BMF: variants seen among roughly 807,000 people sequenced by gnomAD.
The protein encoded by BMF is bcl-2-modifying factor.
A neutral mutation model predicts 22.0 loss-of-function variants in BMF; 10 were observed. The ratio of observed to expected loss-of-function variants is 0.45; its 90% confidence interval spans 0.28 to 0.77. The LOEUF (loss-of-function observed/expected upper bound fraction) is 0.77, where lower values mean the gene tolerates loss of function less well. Ranked by LOEUF, BMF falls within the 30% of genes least tolerant of loss-of-function variation. The pLI, the probability that BMF is intolerant of heterozygous loss-of-function variation, is 0.13. For synonymous variants in BMF, 87 were observed against 88.1 expected, an observed-to-expected ratio of 0.99 and a Z score of 0.07; for missense variants, 206 against 226.8, an observed-to-expected ratio of 0.91 and a Z score of 0.59.
At position 40,089,580 on chromosome 15, in the gene BMF, G is replaced by C. The variant is rs1050462848; in HGVS notation, c.*2207C>G. On this transcript the variant is annotated 3_prime_UTR_variant, in exon 5 of 5. Coordinates refer to ENST00000354670, the MANE Select transcript of BMF (RefSeq NM_001003940.2). ...TCTCAGGCCACAGGGCACCCAGCCT[G>C]GGCCTGGCAAGGTCTCTGAAGCTGA... 2.0e-5 allele frequency: 3 copies of C among 152,240 alleles called. No homozygotes were observed. The highest frequency in any genetic ancestry group is 7.2e-5 in the African/African-American group (3 of 41,470). 9.4% of individuals were successfully genotyped at this position (152,240 alleles called of 1,614,324 possible).
intron 4 of BMF, among the ~76,000 whole-genome samples, chr15:40,102,464 GCCTCCTCCT>G (rs1484312231): frequency 6.6e-6 from 1 of 150,420 alleles, no homozygotes; most frequent in Non-Finnish European, 1.5e-5. Flanking sequence ...TGGGATAAGG[GCCTCCTCCT>G]CCTCCTGTTC....
intron 4 of BMF, among the ~76,000 whole-genome samples, chr15:40,103,636 C>T (rs965723154): frequency 7.9e-5 from 12 of 152,234 alleles, no homozygotes; most frequent in African/African-American, 2.2e-4. Context: ...GTACACTCTC[C>T]GGAGTCCCAG....
intron 4 of BMF, among the ~76,000 whole-genome samples, chr15:40,095,310 A>G (rs1055511467): frequency 1.2e-4 from 18 of 152,254 alleles, no homozygotes; most frequent in African/African-American, 4.3e-4. Context: ...GCCTGACTAG[A>G]AAGGAAAGAA....
chr15:40,103,809 A>G (rs377156601), intron 4 of BMF, among the ~76,000 whole-genome samples: 111 of 152,274 alleles, frequency 7.3e-4, no homozygotes, highest in African/African-American at 2.6e-3. Flanking sequence ...GCCCAGTTTC[A>G]TTGCAGCACC....
At chr15:40,091,986 A>C in intron 4 of BMF, 98 bp from the exon 5 acceptor site, 1 of 924,076 alleles carries the variant, frequency 1.1e-6, no homozygotes. Flanking sequence ...TCCAAGTCTC[A>C]CGGCTGGCAC....
At chr15:40,098,887 C>T (rs2036418544) in intron 4 of BMF, among the ~76,000 whole-genome samples, 4 of 152,186 alleles carry the variant, frequency 2.6e-5, no homozygotes, top group Admixed American at 2.6e-4. Flanking sequence ...GTGGGGAACT[C>T]AGCCTCTAGT....
chr15:40,102,006 T>C (rs1434923483), intron 4 of BMF, among the ~76,000 whole-genome samples: 1 of 152,158 alleles, frequency 6.6e-6, no homozygotes, highest in African/African-American at 2.4e-5. Context: ...GAGACTCTCA[T>C]GCCTTGCACC....
rs1247061285 is a variant in BMF at position 40,088,308 on chromosome 15, G to A, written c.*3479C>T. The A allele has an allele frequency of 2.0e-5, 3 of 152,184 alleles. No individual in the cohort carries two copies. The highest frequency in any genetic ancestry group is 1.3e-4 in the Admixed American group (2 of 15,278). 9.4% of individuals were successfully genotyped at this position (152,184 alleles called of 1,614,324 possible). A position where few individuals can be genotyped will look rare whatever the true frequency, so the allele number is the denominator to read the frequency against. On this transcript the variant is annotated 3_prime_UTR_variant, in exon 5 of 5. Coordinates refer to ENST00000354670, the MANE Select transcript of BMF (RefSeq NM_001003940.2). ...CCTCAAGACTCAAAAGTCCCCACCA[G>A]CCCTCAGGCTGCCTAAGGGTGACAG...
At chr15:40,100,938 C>T (rs909146120) in intron 4 of BMF, among the ~76,000 whole-genome samples, 2 of 152,164 alleles carry the variant, frequency 1.3e-5, no homozygotes, top group African/African-American at 4.8e-5. Context: ...GACCAGTGGC[C>T]ACTGTCTAGC....
chr15:40,097,843 T>A (rs2036397670), intron 4 of BMF, among the ~76,000 whole-genome samples: 1 of 152,176 alleles, frequency 6.6e-6, no homozygotes, highest in South Asian at 2.1e-4. Flanking sequence ...GGGAGCACCA[T>A]CTTCCCGGCA....
At position 40,091,842 on chromosome 15, in the gene BMF, A is replaced by G. The variant is rs1423708160; in HGVS notation, c.500T>C (p.Leu167Pro). The change falls in exon 5 of 5, where the codon CTG (leucine) becomes CCG (proline). Residue 167 changes from leucine (L) to proline (P), a missense_variant. Leu to Pro is a moderately conservative substitution (Grantham distance 98). Coordinates refer to ENST00000354670, the MANE Select transcript of BMF (RefSeq NM_001003940.2). ...NRVWWQILLF[L>P]HNLALNGEEN... is the part of the protein sequence containing the mutation. ...TTCTCCATTCAAAGCAAGGTTGTGCAGGAAGAGGAGGATCTGCCACCACAC... is the reference window on the plus strand; with the variant it reads ...TTCTCCATTCAAAGCAAGGTTGTGCGGGAAGAGGAGGATCTGCCACCACAC... 9 of 1,611,548 alleles carry G rather than the reference A, an allele frequency of 5.6e-6. No individual in the cohort carries two copies. Among genetic ancestry groups the G allele is most frequent in the Non-Finnish European group, 7.6e-6 (9 of 1,179,194 alleles).
intron 4 of BMF, 112 bp from the exon 5 acceptor site, chr15:40,092,000 A>T: frequency 2.5e-6 from 2 of 813,232 alleles, no homozygotes; most frequent in Non-Finnish European, 4.1e-6. Flanking sequence ...CTGGCACTTT[A>T]ATCCTATCAG....
intron 3 of BMF, among the ~76,000 whole-genome samples, 157 bp downstream of exon 3, chr15:40,105,638 A>G (rs1421014441): frequency 4.6e-5 from 7 of 152,192 alleles, no homozygotes; most frequent in African/African-American, 1.7e-4. Flanking sequence ...GGTGAGGAGC[A>G]ATAACAAGCC....
At chr15:40,107,952 T>G (rs548044409) in intron 2 of BMF, 1 of 152,368 alleles carries the variant, frequency 6.6e-6, no homozygotes, top group Admixed American at 6.5e-5. Context: ...TGGGCGCCTC[T>G]GGAGGGGTGC....
rs768372457 is a variant in BMF, at chr15:40,091,987, C to T, written c.454-99G>A. Reference sequence around the variant, plus strand: ...TAAAAGTTCAGATCTCCAAGTCTCACGGCTGGCACTTTAATCCTATCAGTA... The same window carrying T: ...TAAAAGTTCAGATCTCCAAGTCTCATGGCTGGCACTTTAATCCTATCAGTA... On this transcript the variant is annotated intron_variant, in intron 4 of 4. Coordinates refer to ENST00000354670, the MANE Select transcript of BMF (RefSeq NM_001003940.2). 151 of 922,866 alleles carry T rather than the reference C, an allele frequency of 1.6e-4. 1 individual carries two copies. The highest frequency in any genetic ancestry group is 1.2e-3 in the South Asian group (80 of 67,802). The allele number at this position is 922,866 out of a possible 1,614,324, so 57.2% of individuals were successfully genotyped here. A position where few individuals can be genotyped will look rare whatever the true frequency, so the allele number is the denominator to read the frequency against.
intron 4 of BMF, among the ~76,000 whole-genome samples, chr15:40,102,378 G>A (rs964730987): frequency 1.4e-5 from 2 of 142,736 alleles, no homozygotes; most frequent in African/African-American, 5.3e-5. Context: ...GCAGTGAGCC[G>A]AGATCATGCC....
chr15:40,104,456 T>G (rs1170521865), intron 3 of BMF, 116 bp from the exon 4 acceptor site: 1 of 1,353,748 alleles, frequency 7.4e-7, no homozygotes, highest in Non-Finnish European at 1.0e-6. Context: ...TGAGAAAGGA[T>G]AGGAGCCAGC....
At chr15:40,097,903 C>T (rs534537122) in intron 4 of BMF, among the ~76,000 whole-genome samples, 1 of 152,280 alleles carries the variant, frequency 6.6e-6, no homozygotes, top group East Asian at 1.9e-4. Flanking sequence ...TGAGACTGCC[C>T]ACAGCAGCCA....
At chr15:40,096,995 C>T (rs4924418) in intron 4 of BMF, among the ~76,000 whole-genome samples, 4,306 of 152,338 alleles carry the variant, frequency 0.028, 88 homozygotes, top group Admixed American at 0.046. Flanking sequence ...AGTTTTCCTC[C>T]CTCTTCCCTT....
Sources: allele counts gnomAD v4.1 joint callset (sites outside exome capture counted in the v4.1 genomes callset), GRCh38; gene constraint gnomAD v4.1.1; transcripts MANE v1.5; gene names NCBI Gene and HGNC (gene_info 2026-07-23, HGNC 2026-07-21).